Variants in PTPRT observed in about 807,000 individuals in gnomAD.
PTPRT encodes the protein protein tyrosine phosphatase receptor type T.
A neutral mutation model predicts 176.8 loss-of-function variants in PTPRT; 56 were observed. The ratio of observed to expected loss-of-function variants is 0.32; its 90% CI spans 0.26 to 0.40. The LOEUF is 0.40. Among genes scored for constraint, PTPRT ranks in the 10% least tolerant of loss-of-function variants. The pLI is 1.00. For missense variants in PTPRT, 1,540 were observed against 1,908.2 expected, an observed-to-expected ratio of 0.81 and a Z score of 3.60; for synonymous variants, 783 against 739.0, an observed-to-expected ratio of 1.06 and a Z score of -0.96.
intron 1 of PTPRT, among the ~76,000 whole-genome samples, chr20:42,912,467 C>T (rs1367236164): frequency 1.3e-5 from 2 of 152,164 alleles, no homozygotes; most frequent in Non-Finnish European, 2.9e-5. Flanking sequence ...TTATTATCTA[C>T]ATTTTCAGTT....
chr20:42,693,900 C>T (rs2075828863), intron 6 of PTPRT, among the ~76,000 whole-genome samples: 1 of 152,166 alleles, frequency 6.6e-6, no homozygotes, highest in Non-Finnish European at 1.5e-5. Context: ...TCATTCATCC[C>T]TGGGAACCAC....
intron 9 of PTPRT, among the ~76,000 whole-genome samples, chr20:42,429,457 G>A (rs999715936): frequency 6.6e-6 from 1 of 152,098 alleles, no homozygotes; most frequent in African/African-American, 2.4e-5. Flanking sequence ...TTCTGGAGGG[G>A]AGAAAGCTGC....
chr20:42,298,289 A>G (rs950577359), intron 12 of PTPRT, among the ~76,000 whole-genome samples: 1 of 152,246 alleles, frequency 6.6e-6, no homozygotes, highest in African/African-American at 2.4e-5. Flanking sequence ...TTAAAGCTAT[A>G]TTGAGATATA....
At chr20:42,489,989 C>A (rs958866702) in intron 7 of PTPRT, among the ~76,000 whole-genome samples, 1 of 152,122 alleles carries the variant, frequency 6.6e-6, no homozygotes. Flanking sequence ...TCCTCAAAAC[C>A]ATTTGCTTAC....
chr20:42,359,031 G>A (rs1394543974), intron 9 of PTPRT, among the ~76,000 whole-genome samples: 7 of 152,322 alleles, frequency 4.6e-5, no homozygotes, highest in African/African-American at 1.7e-4. Context: ...GCTACTAAAC[G>A]TGTGGTTTGC....
At chr20:42,371,667 G>C (rs934866613) in intron 9 of PTPRT, among the ~76,000 whole-genome samples, 66 of 152,262 alleles carry the variant, frequency 4.3e-4, no homozygotes, top group African/African-American at 1.3e-3. Context: ...CTGTTCTCCA[G>C]CCCCAAATTG....
At chr20:42,583,989 C>T (rs1031557874) in intron 7 of PTPRT, among the ~76,000 whole-genome samples, 4 of 152,178 alleles carry the variant, frequency 2.6e-5, no homozygotes, top group Non-Finnish European at 5.9e-5. Flanking sequence ...AGTGCATATG[C>T]AGGCACGCCA....
intron 2 of PTPRT, among the ~76,000 whole-genome samples, chr20:42,802,509 G>A (rs1202297084): frequency 5.3e-5 from 8 of 152,158 alleles, no homozygotes; most frequent in Non-Finnish European, 1.0e-4. Context: ...ATGTACTAAG[G>A]TCTGCAAAGA....
intron 15 of PTPRT, among the ~76,000 whole-genome samples, chr20:42,206,501 G>A (rs939156695): frequency 2.0e-4 from 30 of 152,286 alleles, no homozygotes; most frequent in Non-Finnish European, 3.4e-4. Flanking sequence ...TTCCCTTTCC[G>A]AGTCAAAGAA....
chr20:42,200,438 T>C (rs1568665536), intron 15 of PTPRT, among the ~76,000 whole-genome samples: 1 of 152,228 alleles, frequency 6.6e-6, no homozygotes, highest in Non-Finnish European at 1.5e-5. Flanking sequence ...CTATTGCCAG[T>C]GGATCCAACT....
chr20:42,302,794 T>G (rs530993251), intron 12 of PTPRT, among the ~76,000 whole-genome samples: 69 of 152,352 alleles, frequency 4.5e-4, no homozygotes, highest in African/African-American at 1.5e-3. Context: ...GAGGAGCTCA[T>G]GACCAATGAA....
chr20:42,780,162 A>G (rs1457173838), intron 4 of PTPRT, 56 bp downstream of exon 4: 1 of 1,385,168 alleles, frequency 7.2e-7, no homozygotes, highest in Non-Finnish European at 1.0e-6. Context: ...TGCAGGCTCT[A>G]TGCTACCCAG....
At chr20:43,125,288 C>T (rs1294854211) in intron 1 of PTPRT, among the ~76,000 whole-genome samples, 2 of 152,106 alleles carry the variant, frequency 1.3e-5, no homozygotes, top group African/African-American at 4.8e-5. Flanking sequence ...TTGTCAGCCA[C>T]CGTGCTGGGC....
chr20:42,602,757 A>G (rs1466121085), intron 7 of PTPRT, among the ~76,000 whole-genome samples: 1 of 152,094 alleles, frequency 6.6e-6, no homozygotes, highest in African/African-American at 2.4e-5. Context: ...CTAGATGGTG[A>G]CAGAACAAGG....
chr20:43,036,281 T>A (rs1322122579), intron 1 of PTPRT, among the ~76,000 whole-genome samples: 2 of 152,230 alleles, frequency 1.3e-5, no homozygotes, highest in Non-Finnish European at 1.5e-5. Flanking sequence ...AGTGCAGTGC[T>A]TATTCACAAG....
At chr20:42,200,269 T>C (rs573721193) in intron 15 of PTPRT, among the ~76,000 whole-genome samples, 23 of 152,310 alleles carry the variant, frequency 1.5e-4, no homozygotes, top group Non-Finnish European at 3.1e-4. Flanking sequence ...TTTCTTACTC[T>C]AAATCCTGAA....
intron 7 of PTPRT, among the ~76,000 whole-genome samples, chr20:42,628,765 T>G (rs543486145): frequency 1.0e-3 from 153 of 152,304 alleles, no homozygotes; most frequent in Non-Finnish European, 1.8e-3. Context: ...AAATTCAACC[T>G]ATTTTTGTAA....
Position 42,637,472 on chromosome 20 carries a change from C to T in PTPRT, c.1153+40394G>A, listed in dbSNP as rs180945658. On this transcript the variant is annotated intron_variant, in intron 7 of 30. Transcript: ENST00000373187. ...TCACATCCTTTGCAATTGCTGCTTG[C>T]TCCCTCAACCCAGAATGGGGTTCCT... 3.3e-4 allele frequency among the ~76,000 whole-genome samples: 51 copies of T among 152,274 alleles called. 1 individual carries two copies. The East Asian group carries it at 8.3e-3, about 25-fold the overall frequency.
intron 7 of PTPRT, among the ~76,000 whole-genome samples, chr20:42,608,337 T>C (rs1016738103): frequency 6.6e-6 from 1 of 152,062 alleles, no homozygotes; most frequent in Non-Finnish European, 1.5e-5. Context: ...GAATATGAGG[T>C]CTCTGGAAAC....
Sources: allele counts gnomAD v4.1 joint callset (sites outside exome capture counted in the v4.1 genomes callset), GRCh38; gene constraint gnomAD v4.1.1; transcripts MANE v1.5; gene names NCBI Gene and HGNC (gene_info 2026-07-23, HGNC 2026-07-21).